Variants in ABCA13 observed in about 807,000 individuals in gnomAD.
The protein encoded by ABCA13 is ATP-binding cassette sub-family A member 13.
A neutral mutation model predicts 478.7 loss-of-function variants in ABCA13; 476 were observed. That is an observed-to-expected ratio of 0.99 (90% CI 0.92 to 1.07). The LOEUF is 1.07. Among genes scored for constraint, ABCA13 ranks in the 50% least tolerant of loss-of-function variants. The probability of loss-of-function intolerance (pLI) is 0.00; values close to 1 mark genes in which losing one functional copy is unlikely to be tolerated. For missense variants in ABCA13, 6,060 were observed against 5,910.6 expected (o/e 1.03, Z -0.83); for synonymous variants, 2,252 against 2,158.9 (o/e 1.04, Z -1.20).
intron 8 of ABCA13, among the ~76,000 whole-genome samples, chr7:48,238,379 T>C (rs1790281527): frequency 6.6e-6 from 1 of 152,204 alleles, no homozygotes; most frequent in African/African-American, 2.4e-5. Flanking sequence ...TTATAATTGT[T>C]GTAAAATGAT....
intron 61 of ABCA13, among the ~76,000 whole-genome samples, chr7:48,645,127 G>A (rs1269501545): frequency 6.6e-6 from 1 of 152,082 alleles, no homozygotes; most frequent in Non-Finnish European, 1.5e-5. Context: ...TTTACTAAGA[G>A]TACCAGGAAT....
In ABCA13 at chr7:48,330,465, A is replaced by G. The variant is rs949586169; in HGVS notation, c.10000-4957A>G. 3.4e-5 allele frequency among the ~76,000 whole-genome samples: 5 copies of G among 147,068 alleles called. No individual in the cohort carries two copies. The South Asian group carries it at 6.6e-4, about 19-fold the overall frequency. On this transcript the variant is annotated intron_variant, in intron 27 of 61. Coordinates refer to ENST00000435803, the MANE Select transcript of ABCA13 (RefSeq NM_152701.5). ...CACCCATCTATTCATCTATTCATTC[A>G]TCTGTTTGTCCATCCATCCGTCCAT...
intron 55 of ABCA13, among the ~76,000 whole-genome samples, chr7:48,543,967 A>T (rs1784584403): frequency 6.6e-6 from 1 of 151,754 alleles, no homozygotes; most frequent in Admixed American, 6.6e-5. Flanking sequence ...AGAAACTTGG[A>T]TAAAGGTTTA....
At chr7:48,444,574 T>A (rs1431105521) in intron 42 of ABCA13, among the ~76,000 whole-genome samples, 2 of 152,160 alleles carry the variant, frequency 1.3e-5, no homozygotes, top group Non-Finnish European at 2.9e-5. Context: ...CATCCTGACC[T>A]TCATCTGTTA....
At chr7:48,627,782 G>A (rs1195876840) in intron 59 of ABCA13, among the ~76,000 whole-genome samples, 1 of 152,158 alleles carries the variant, frequency 6.6e-6, no homozygotes, top group Non-Finnish European at 1.5e-5. Flanking sequence ...TCTGGTGAGG[G>A]CCTAGTGCTG....
intron 1 of ABCA13, among the ~76,000 whole-genome samples, chr7:48,173,333 C>T (rs1014932988): frequency 6.6e-6 from 1 of 152,178 alleles, no homozygotes; most frequent in Admixed American, 6.5e-5. Flanking sequence ...AGGACATTTT[C>T]CCCAATTGGT....
chr7:48,361,155 C>T lies in ABCA13; in HGVS notation c.10689-6639C>T, dbSNP rs185240474. Among the ~76,000 whole-genome samples, 13 of 151,784 alleles carry T rather than the reference C, an allele frequency of 8.6e-5. No individual in the cohort carries two copies. The East Asian group carries it at 9.7e-4, about 11-fold the overall frequency. On this transcript the variant is annotated intron_variant, in intron 31 of 61. Coordinates refer to ENST00000435803, the MANE Select transcript of ABCA13 (RefSeq NM_152701.5). ...ACTTAAATCTGCTCTGCTGTGACCC[C>T]GCTCTAGTGGAGACTGCAAGGGACG...
chr7:48,438,231 C>T (rs1445211190), intron 42 of ABCA13, among the ~76,000 whole-genome samples: 1 of 152,096 alleles, frequency 6.6e-6, no homozygotes, highest in African/African-American at 2.4e-5. Context: ...TTCTTTGACC[C>T]CACCAATATG....
chr7:48,422,485 A>C (rs1043761381), intron 41 of ABCA13, among the ~76,000 whole-genome samples: 2 of 152,214 alleles, frequency 1.3e-5, no homozygotes, highest in African/African-American at 4.8e-5. Flanking sequence ...CCCTTGTACG[A>C]ATAAGCAAAC....
rs11373950 is a variant in ABCA13 at position 48,343,591 on chromosome 7, C to CTT, written c.10204+5145_10204+5146dup. Among the ~76,000 whole-genome samples, 103 of 149,398 alleles carry CTT rather than the reference C, an allele frequency of 6.9e-4. 1 individual carries two copies. In the East Asian group the frequency reaches 7.1e-3, roughly 10 times the overall value. On this transcript the variant is annotated intron_variant, in intron 29 of 61. Transcript: ENST00000435803. Reference sequence around the variant, plus strand: ...TCTTTAAAGTCTTTATATAGATTTTCTTTTTTTTTTAATTTCAATAGGGTT... The same window carrying CTT: ...TCTTTAAAGTCTTTATATAGATTTTCTTTTTTTTTTTTAATTTCAATAGGGTT...
chr7:48,244,836 A>C, intron 11 of ABCA13, 133 bp downstream of exon 11: 1 of 1,120,166 alleles, frequency 8.9e-7, no homozygotes. Flanking sequence ...ATGCATATTT[A>C]TGCTTTACTC....
At chr7:48,387,773 C>CT in intron 35 of ABCA13, 49 bp from the exon 36 acceptor site, 2 of 1,397,870 alleles carry the variant, frequency 1.4e-6, no homozygotes, top group Non-Finnish European at 1.9e-6. Flanking sequence ...AATACAGTAC[C>CT]TTCATCTAAA....
chr7:48,173,597 G>C (rs1467478849), intron 1 of ABCA13, among the ~76,000 whole-genome samples: 1 of 152,148 alleles, frequency 6.6e-6, no homozygotes, highest in African/African-American at 2.4e-5. Context: ...AGATGTCCCT[G>C]CACAAATGGG....
chr7:48,247,394 C>G (rs978765474), intron 13 of ABCA13, among the ~76,000 whole-genome samples: 1 of 152,102 alleles, frequency 6.6e-6, no homozygotes, highest in African/African-American at 2.4e-5. Context: ...TAAAGTCTAA[C>G]TTGTAGTCTC....
chr7:48,583,772 C>A (rs1178640665), intron 56 of ABCA13, among the ~76,000 whole-genome samples: 2 of 152,216 alleles, frequency 1.3e-5, no homozygotes, highest in African/African-American at 4.8e-5. Context: ...ATTGCTAAGG[C>A]ATTGCTTTTG....
chr7:48,239,315 A>AT lies in ABCA13; in HGVS notation c.973dup (p.Trp325LeufsTer10). 1.2e-6 allele frequency: 2 copies of AT among 1,613,994 alleles called. No individual in the cohort carries two copies. Among genetic ancestry groups the AT allele is most frequent in the Non-Finnish European group, 1.7e-6 (2 of 1,179,866 alleles). On this transcript the variant is annotated frameshift_variant, in exon 9 of 62. Transcript: ENST00000435803. LOFTEE classifies it high-confidence loss of function. ...GCACATCAGAGGATGAAGCTGAGAA[A>AT]TGGGGCCACGTTGGAGGCTGCCACC...
rs893974453 is a variant in ABCA13, at chr7:48,532,979, A to AT, written c.14354+4642dup. Among the ~76,000 whole-genome samples the AT allele has an allele frequency of 6.3e-4, 95 of 151,150 alleles. No homozygotes were observed. The Middle Eastern group carries it at 0.01, about 16-fold the overall frequency. On this transcript the variant is annotated intron_variant, in intron 55 of 61. Transcript: ENST00000435803. ...GCTTTGTGTTTCATTTATCTTTTGC[A>AT]TTTTTTTTGTTTAAATTTCATTTCA... is the stretch of plus-strand genomic sequence containing the variant.
chr7:48,564,796 T>C (rs1489018292), intron 55 of ABCA13, among the ~76,000 whole-genome samples: 2 of 152,146 alleles, frequency 1.3e-5, no homozygotes, highest in African/African-American at 4.8e-5. Context: ...TTTTTGAATC[T>C]ACATATATTT....
chr7:48,616,388 G>A (rs1474473919), intron 59 of ABCA13, among the ~76,000 whole-genome samples: 1 of 152,114 alleles, frequency 6.6e-6, no homozygotes, highest in Non-Finnish European at 1.5e-5. Flanking sequence ...TCTTTAATAA[G>A]TATCATCAAA....
Sources: gnomAD v4.1 joint callset for allele counts (sites outside exome capture counted in the v4.1 genomes callset) on GRCh38, gnomAD v4.1.1 for gene constraint, MANE v1.5 for transcripts, NCBI Gene and HGNC (gene_info 2026-07-23, HGNC 2026-07-21) for gene names.